The following CBY1 variants were observed in gnomAD, a reference collection of about 807,000 sequenced individuals.
CBY1 encodes protein chibby homolog 1.
In CBY1, 10 loss-of-function variants were observed where a neutral mutation model predicts 15.6. The observed-to-expected ratio is 0.64, with a 90% CI of 0.40 to 1.09. CBY1 has a LOEUF of 1.09. Ranked by LOEUF, CBY1 falls within the 50% of genes least tolerant of loss-of-function variation. CBY1 has a pLI of 0.01. For synonymous variants in CBY1, 61 were observed against 63.5 expected, an observed-to-expected ratio of 0.96 and a Z score of 0.19; for missense variants, 150 against 160.5, an observed-to-expected ratio of 0.93 and a Z score of 0.35.
intron 1 of CBY1, among the ~76,000 whole-genome samples, chr22:38,657,976 T>C (rs1489365997): frequency 6.6e-6 from 1 of 152,206 alleles, no homozygotes; most frequent in Non-Finnish European, 1.5e-5. Flanking sequence ...TTAATATAAT[T>C]TTATATTGTA....
intron 1 of CBY1, among the ~76,000 whole-genome samples, chr22:38,662,941 G>A (rs9610997): frequency 0.3 from 44,869 of 151,758 alleles, 6,725 homozygotes; most frequent in East Asian, 0.36. Flanking sequence ...CCAACATGGC[G>A]AAACACCATC....
rs1420755747 is a variant in CBY1, at chr22:38,657,073, T to C, written c.-39+323T>C. ...CGTAACATGGCTACCTCTGAACTCC[T>C]TGGGGGACACGTATATCTTTGAGAA... On this transcript the variant is annotated intron_variant, in intron 1 of 4. Transcript: ENST00000216029. 5.1e-6 allele frequency: 5 copies of C among 974,402 alleles called. No homozygotes were observed. In the African/African-American group the frequency reaches 7.0e-5, roughly 14 times the overall value. The allele number at this position is 974,402 out of a possible 1,614,324, so 60.4% of individuals were successfully genotyped here.
intron 1 of CBY1, among the ~76,000 whole-genome samples, chr22:38,662,595 A>G (rs893738356): frequency 3.3e-5 from 5 of 152,134 alleles, no homozygotes; most frequent in African/African-American, 4.8e-5. Flanking sequence ...GGCGCAAGCA[A>G]TCCTCCCACC....
intron 4 of CBY1, among the ~76,000 whole-genome samples, chr22:38,672,048 G>A (rs2092453852): frequency 6.6e-6 from 1 of 151,718 alleles, no homozygotes; most frequent in Admixed American, 6.6e-5. Context: ...CGGGTCACAA[G>A]GTCAGGAGTT....
At chr22:38,657,583 T>C (rs1385818238) in intron 1 of CBY1, among the ~76,000 whole-genome samples, 1 of 152,256 alleles carries the variant, frequency 6.6e-6, no homozygotes, top group Non-Finnish European at 1.5e-5. Flanking sequence ...TTGTGGATTA[T>C]TAGATCTGAC....
At chr22:38,666,071 C>A (rs1603117080) in intron 1 of CBY1, among the ~76,000 whole-genome samples, 1 of 151,486 alleles carries the variant, frequency 6.6e-6, no homozygotes, top group Non-Finnish European at 1.5e-5. Flanking sequence ...CTCTTGGGCT[C>A]AAGCAATCCT....
chr22:38,670,833 G>T, intron 2 of CBY1, 51 bp from the exon 3 acceptor site: 1 of 1,193,244 alleles, frequency 8.4e-7, no homozygotes. Context: ...GAGCTGGGAT[G>T]AAGGCGTGTT....
chr22:38,671,575 G>A, intron 4 of CBY1: 1 of 274,500 alleles, frequency 3.6e-6, no homozygotes, highest in Non-Finnish European at 7.2e-6. Context: ...TGGCTTGGAA[G>A]TGTCTCATAC....
rs1162119601 is a variant in CBY1 at position 38,656,669 on chromosome 22, G to T, written c.-120G>T. 1.3e-5 allele frequency: 2 copies of T among 152,472 alleles called. No homozygotes were observed. Among genetic ancestry groups the T allele is most frequent in the Admixed American group, 1.3e-4 (2 of 15,264 alleles). 9.4% of individuals were successfully genotyped at this position (152,472 alleles called of 1,614,324 possible). On this transcript the variant is annotated 5_prime_UTR_variant, in exon 1 of 5. Coordinates refer to ENST00000216029, the MANE Select transcript of CBY1 (RefSeq NM_015373.4). ...GTGGCGGGCAGGCGGCAGGAGGCGG[G>T]TGGGTCAAGGTAACTCTGGGCTACA...
intron 1 of CBY1, among the ~76,000 whole-genome samples, chr22:38,663,654 C>T (rs2092427984): frequency 6.7e-6 from 1 of 148,204 alleles, no homozygotes; most frequent in Non-Finnish European, 1.5e-5. Context: ...TGAGATGGCG[C>T]CATTGCACTT....
In CBY1 at chr22:38,668,014, T is replaced by G; in HGVS notation, c.-38-3T>G. ...TTGTACCCCTGACTTTTTCTGACCC[T>G]AGGAGAAGGGAGCACTGGCTTTGCT... On this transcript the variant is annotated splice_region_variant and splice_polypyrimidine_tract_variant and intron_variant, in intron 1 of 4. Coordinates refer to ENST00000216029, the MANE Select transcript of CBY1 (RefSeq NM_015373.4). 3.1e-6 allele frequency: 5 copies of G among 1,592,158 alleles called. No individual in the cohort carries two copies. The highest frequency in any genetic ancestry group is 4.3e-6 in the Non-Finnish European group (5 of 1,160,584).
Position 38,670,816 on chromosome 22 carries a change from G to A in CBY1, c.79-68G>A, listed in dbSNP as rs535374039. ...GAGTTGTTGGGGTCATATTGTTGGC[G>A]GAAGAGGAGCTGGGATGAAGGCGTG... On this transcript the variant is annotated intron_variant, in intron 2 of 4. Transcript: ENST00000216029. 1.5e-5 allele frequency: 15 copies of A among 990,304 alleles called. 1 individual carries two copies. Among genetic ancestry groups the A allele is most frequent in the South Asian group, 7.7e-5 (6 of 77,890 alleles). 61.3% of individuals were successfully genotyped at this position (990,304 alleles called of 1,614,324 possible).
chr22:38,665,044 A>G (rs2092432252), intron 1 of CBY1, among the ~76,000 whole-genome samples: 1 of 152,080 alleles, frequency 6.6e-6, no homozygotes, highest in African/African-American at 2.4e-5. Context: ...AGGTCTCATT[A>G]TGTTGCCTAG....
Position 38,673,374 on chromosome 22 carries a change from G to A in CBY1, c.*138G>A. 5.0e-6 allele frequency: 3 copies of A among 597,626 alleles called. No individual in the cohort carries two copies. The South Asian group carries it at 5.6e-5, about 11-fold the overall frequency. 37.0% of individuals were successfully genotyped at this position (597,626 alleles called of 1,614,324 possible). A position where few individuals can be genotyped will look rare whatever the true frequency, so the allele number is the denominator to read the frequency against. On this transcript the variant is annotated 3_prime_UTR_variant, in exon 5 of 5. Transcript: ENST00000216029. ...TGGCACCCTTGGGTTGGCAATAGAAGGTGACATGGAATGGAGAAAACCAAG... is the reference window on the plus strand; with the variant it reads ...TGGCACCCTTGGGTTGGCAATAGAAAGTGACATGGAATGGAGAAAACCAAG...
chr22:38,659,706 C>CA (rs1429275733), intron 1 of CBY1, among the ~76,000 whole-genome samples: 1 of 151,464 alleles, frequency 6.6e-6, no homozygotes, highest in African/African-American at 2.4e-5. Context: ...ACTAAAAATA[C>CA]AAAAAATTGC....
chr22:38,664,750 G>A (rs1447797433), intron 1 of CBY1, among the ~76,000 whole-genome samples: 1 of 152,082 alleles, frequency 6.6e-6, no homozygotes, highest in Non-Finnish European at 1.5e-5. Flanking sequence ...ATATATGAAT[G>A]CTCTGTGACT....
Position 38,673,336 on chromosome 22 carries a change from G to C in CBY1, c.*100G>C, listed in dbSNP as rs181401778. Reference sequence around the variant, plus strand: ...CCTGGAAGAGAGTATCATATAATGAGACCCACAGGCACTGGCACCCTTGGG... The same window carrying C: ...CCTGGAAGAGAGTATCATATAATGACACCCACAGGCACTGGCACCCTTGGG... On this transcript the variant is annotated 3_prime_UTR_variant, in exon 5 of 5. Transcript: ENST00000216029. The C allele has an allele frequency of 9.4e-6, 7 of 744,694 alleles. No homozygotes were observed. In the Admixed American group the frequency reaches 1.5e-4, roughly 16 times the overall value. The allele number at this position is 744,694 out of a possible 1,614,324, so 46.1% of individuals were successfully genotyped here.
intron 2 of CBY1, among the ~76,000 whole-genome samples, chr22:38,668,924 A>G (rs927877333): frequency 3.9e-5 from 6 of 152,180 alleles, no homozygotes; most frequent in Non-Finnish European, 7.3e-5. Context: ...TTAGGATCTC[A>G]GTTTCTGGTG....
chr22:38,664,997 C>T (rs1347009199), intron 1 of CBY1, among the ~76,000 whole-genome samples: 1 of 152,124 alleles, frequency 6.6e-6, no homozygotes, highest in Non-Finnish European at 1.5e-5. Flanking sequence ...GGGTACACCA[C>T]CACGCCTGGC....
Sources: gnomAD v4.1 joint callset for allele counts (sites outside exome capture counted in the v4.1 genomes callset) on GRCh38, gnomAD v4.1.1 for gene constraint, MANE v1.5 for transcripts, NCBI Gene and HGNC (gene_info 2026-07-23, HGNC 2026-07-21) for gene names.